Variants in PABPC1 observed in about 807,000 individuals in gnomAD.
PABPC1 encodes the protein poly(A) binding protein cytoplasmic 1, also known as polyadenylate-binding protein 1.
A neutral mutation model predicts 74.0 loss-of-function variants in PABPC1; 4 were observed. That is an observed-to-expected ratio of 0.05 (90% CI 0.03 to 0.12). The LOEUF is 0.12. PABPC1 is among the 10% of genes least tolerant of loss of function. The pLI, the probability that PABPC1 is intolerant of heterozygous loss-of-function variation, is 1.00. For synonymous variants in PABPC1, 227 were observed against 264.1 expected (o/e 0.86, Z 1.36); for missense variants, 271 against 821.1 (o/e 0.33, Z 8.19).
chr8:100,712,281 A>G, intron 7 of PABPC1, 81 bp downstream of exon 7: 1 of 801,356 alleles, frequency 1.2e-6, no homozygotes, highest in Non-Finnish European at 2.0e-6. Flanking sequence ...AGTGGCTATA[A>G]TAATACAAAA....
intron 7 of PABPC1, chr8:100,709,964 G>T (rs1346731324): frequency 7.1e-6 from 3 of 423,002 alleles, no homozygotes; most frequent in African/African-American, 2.0e-5. Flanking sequence ...AGAAGTGAAG[G>T]CTGCACAGAA....
intron 14 of PABPC1, 64 bp downstream of exon 14, chr8:100,704,233 C>A: frequency 1.6e-6 from 2 of 1,257,068 alleles, no homozygotes; most frequent in South Asian, 2.4e-5. Flanking sequence ...AAAATATGCT[C>A]AACAAACTTT....
At chr8:100,703,720 G>A (rs1810305392) in intron 14 of PABPC1, among the ~76,000 whole-genome samples, 1 of 152,126 alleles carries the variant, frequency 6.6e-6, no homozygotes, top group Admixed American at 6.6e-5. Context: ...AACTATGAAA[G>A]CCAACCTGTG....
rs554901630 is a variant in PABPC1 at position 100,713,007 on chromosome 8, T to TA, written c.738+79dup. 3,731 of 1,063,762 alleles carry TA rather than the reference T, an allele frequency of 3.5e-3. 8 individuals are homozygous for TA. Among genetic ancestry groups the TA allele is most frequent in the Middle Eastern group, 9.3e-3 (41 of 4,430 alleles). The allele number at this position is 1,063,762 out of a possible 1,614,324, so 65.9% of individuals were successfully genotyped here. Reference sequence around the variant, plus strand: ...AAAATATAAGAACATGTCAAATAGCTATTAGTATGCACATAGACTTCAACA... The same window carrying TA: ...AAAATATAAGAACATGTCAAATAGCTAATTAGTATGCACATAGACTTCAACA... On this transcript the variant is annotated intron_variant, in intron 5 of 14. Transcript: ENST00000318607.
In PABPC1 at chr8:100,721,320, C is replaced by T. The variant is rs2129771249; in HGVS notation, c.193+71G>A. 1.1e-6 allele frequency: 1 copy of T among 907,676 alleles called. No homozygotes were observed. Among genetic ancestry groups the T allele is most frequent in the Non-Finnish European group, 1.4e-6 (1 of 721,034 alleles). The allele number at this position is 907,676 out of a possible 1,614,324, so 56.2% of individuals were successfully genotyped here. A position where few individuals can be genotyped will look rare whatever the true frequency, so the allele number is the denominator to read the frequency against. The stretch of plus-strand genomic sequence containing the variant: ...CCCCTCCCCGGGCCCGCCGGCCTAC[C>T]CCGCCCGCCGCCGCCGCCCGAGCCT... On this transcript the variant is annotated intron_variant, in intron 1 of 14. Coordinates refer to ENST00000318607, the MANE Select transcript of PABPC1 (RefSeq NM_002568.4). This position sits in a 1 kb window ranked among gnomAD's most constrained non-coding sequence, Gnocchi z 7.4.
chr8:100,704,580 G>C (rs1487525973), intron 13 of PABPC1, among the ~76,000 whole-genome samples, 190 bp from the exon 14 acceptor site: 1 of 152,056 alleles, frequency 6.6e-6, no homozygotes, highest in Non-Finnish European at 1.5e-5. Flanking sequence ...ATTATGAATC[G>C]CTCCCCTGCA....
rs564562113 is a variant in PABPC1, at chr8:100,704,209, G to A, written c.*1+88C>T. ...TAAATGAACTGTAAAATGATCTTTT[G>A]CTATGTACATTTCAAAATATGCTCA... On this transcript the variant is annotated intron_variant, in intron 14 of 14. Coordinates refer to ENST00000318607, the MANE Select transcript of PABPC1 (RefSeq NM_002568.4). 8.2e-6 allele frequency: 8 copies of A among 970,186 alleles called. No individual in the cohort carries two copies. In the Admixed American group the frequency reaches 1.3e-4, roughly 15 times the overall value. The allele number at this position is 970,186 out of a possible 1,614,324, so 60.1% of individuals were successfully genotyped here. A position where few individuals can be genotyped will look rare whatever the true frequency, so the allele number is the denominator to read the frequency against.
chr8:100,719,385 C>T (rs1224515907), intron 1 of PABPC1, among the ~76,000 whole-genome samples: 1 of 138,222 alleles, frequency 7.2e-6, no homozygotes, highest in African/African-American at 2.8e-5. Flanking sequence ...CTCAGCTTCC[C>T]TAGTTTTTTT....
intron 9 of PABPC1, among the ~76,000 whole-genome samples, 170 bp downstream of exon 9, chr8:100,708,963 T>TAGAC (rs1810457816): frequency 6.6e-6 from 1 of 152,338 alleles, no homozygotes; most frequent in Admixed American, 6.5e-5. Context: ...CAAACCACTG[T>TAGAC]AGACATTACT....
intron 5 of PABPC1, 107 bp from the exon 6 acceptor site, chr8:100,712,896 A>T: frequency 7.5e-7 from 1 of 1,327,316 alleles, no homozygotes; most frequent in East Asian, 2.5e-5. Context: ...GCTAAAGACA[A>T]ACCCATCCCA....
At chr8:100,719,663 C>A (rs996112111) in intron 1 of PABPC1, among the ~76,000 whole-genome samples, 2 of 152,192 alleles carry the variant, frequency 1.3e-5, no homozygotes, top group Non-Finnish European at 2.9e-5. Flanking sequence ...ACTGTAACCA[C>A]GGCAACCTGA....
At chr8:100,715,695 A>T in intron 3 of PABPC1, 94 bp from the exon 4 acceptor site, 1 of 776,560 alleles carries the variant, frequency 1.3e-6, no homozygotes. Flanking sequence ...TGTTAATGAG[A>T]ATATTCAGAA....
chr8:100,716,183 C>A (rs1310200253), intron 3 of PABPC1, among the ~76,000 whole-genome samples: 1 of 152,188 alleles, frequency 6.6e-6, no homozygotes, highest in Non-Finnish European at 1.5e-5. Context: ...GTGGGATGAT[C>A]ACTGGAGGCC....
intron 1 of PABPC1, among the ~76,000 whole-genome samples, chr8:100,719,147 C>T (rs151206532): frequency 2.1e-4 from 32 of 152,266 alleles, no homozygotes; most frequent in East Asian, 1.2e-3. Context: ...CCATTAAAGG[C>T]TCTAAATGAA....
intron 4 of PABPC1, among the ~76,000 whole-genome samples, chr8:100,713,877 T>G (rs938984148): frequency 6.6e-6 from 1 of 152,152 alleles, no homozygotes; most frequent in African/African-American, 2.4e-5. Flanking sequence ...GAATACATAG[T>G]TGGACTCTTT....
At position 100,704,156 on chromosome 8, in the gene PABPC1, C is replaced by T. The variant is rs1024636948; in HGVS notation, c.*1+141G>A. ...TTTAATTCCTCTATAGTTAGTTCCA[C>T]TTTTCCTTGAAAAATTAGCAATACA... On this transcript the variant is annotated intron_variant, in intron 14 of 14. Transcript: ENST00000318607. 43 of 645,464 alleles carry T rather than the reference C, an allele frequency of 6.7e-5. 1 individual carries two copies. In the Admixed American group the frequency reaches 8.3e-4, roughly 12 times the overall value. The allele number at this position is 645,464 out of a possible 1,614,324, so 40.0% of individuals were successfully genotyped here.
intron 9 of PABPC1, among the ~76,000 whole-genome samples, chr8:100,707,541 A>G (rs981868322): frequency 1.3e-5 from 2 of 152,234 alleles, no homozygotes; most frequent in African/African-American, 2.4e-5. Context: ...AGCTTACGCC[A>G]TTGTTTCTGC....
At chr8:100,712,537 T>C in intron 6 of PABPC1, 80 bp from the exon 7 acceptor site, 2 of 1,462,086 alleles carry the variant, frequency 1.4e-6, no homozygotes, top group South Asian at 1.3e-5. Flanking sequence ...TTTTACCCCA[T>C]ATTTCTTCTC....
At chr8:100,706,424 G>GCTAGGA (rs1453772337) in intron 11 of PABPC1, among the ~76,000 whole-genome samples, 5 of 152,064 alleles carry the variant, frequency 3.3e-5, no homozygotes, top group Non-Finnish European at 7.3e-5. Flanking sequence ...CTTCCTAGCA[G>GCTAGGA]CTAGGACTAC....
Sources: allele counts gnomAD v4.1 joint callset (sites outside exome capture counted in the v4.1 genomes callset), GRCh38; gene constraint gnomAD v4.1.1; non-coding constraint Gnocchi (gnomAD v3.1); transcripts MANE v1.5; gene names NCBI Gene and HGNC (gene_info 2026-07-23, HGNC 2026-07-21).